The following KIDINS220 variants were observed in gnomAD, a reference collection of about 807,000 sequenced individuals.
KIDINS220 encodes kinase D interacting substrate 220.
KIDINS220 carries 63 observed loss-of-function variants against 157.6 expected under a neutral mutation model. That is an observed-to-expected ratio of 0.40 (90% CI 0.33 to 0.49). The LOEUF is 0.49. KIDINS220 is among the 20% of genes least tolerant of loss of function. KIDINS220 has a pLI of 0.66. For missense variants in KIDINS220, 1,772 were observed against 2,171.2 expected (o/e 0.82, Z 3.65); for synonymous variants, 732 against 783.6 (o/e 0.93, Z 1.10).
rs1663963804 is a variant in KIDINS220, at chr2:8,730,909, A to G, written c.5127T>C (p.Ser1709=). The G allele has an allele frequency of 1.2e-6, 2 of 1,614,220 alleles. No individual in the cohort carries two copies. Among genetic ancestry groups the G allele is most frequent in the Admixed American group, 3.3e-5 (2 of 60,030 alleles). Reference sequence around the variant, plus strand: ...TGGAACTAGGCCTCAAAATGACTTGAGAAGTCTCCCTAATTCCCTCCATCT... The same window carrying G: ...TGGAACTAGGCCTCAAAATGACTTGGGAAGTCTCCCTAATTCCCTCCATCT... The part of the protein sequence containing the change: ...FDEMEGIRET[S]QVILRPSSSP... Residue 1709 remains serine (S), a synonymous_variant, in exon 30 of 30, where the codon TCT becomes TCC. Transcript: ENST00000256707.
At chr2:8,818,894 C>A in intron 2 of KIDINS220, 101 bp from the exon 3 acceptor site, 1 of 579,802 alleles carries the variant, frequency 1.7e-6, no homozygotes, top group Non-Finnish European at 3.1e-6. Context: ...GTATGTTAAG[C>A]ATTGTTTAGT....
intron 12 of KIDINS220, among the ~76,000 whole-genome samples, chr2:8,793,381 A>C (rs1673463339): frequency 6.6e-6 from 1 of 152,110 alleles, no homozygotes; most frequent in African/African-American, 2.4e-5. Flanking sequence ...CTGTAGTTCC[A>C]AGTACTCAGG....
chr2:8,790,400 T>C (rs114135956), intron 13 of KIDINS220, among the ~76,000 whole-genome samples: 3,297 of 152,350 alleles, frequency 0.022, 52 homozygotes, highest in Non-Finnish European at 0.037. Context: ...TGCATATGCA[T>C]ATTGTTTCCA....
chr2:8,774,310 A>G (rs1325311056), intron 21 of KIDINS220, among the ~76,000 whole-genome samples: 1 of 151,800 alleles, frequency 6.6e-6, no homozygotes, highest in Non-Finnish European at 1.5e-5. Flanking sequence ...AAAAAAAAAA[A>G]AAGAAGGAAA....
chr2:8,770,670 C>A lies in KIDINS220; in HGVS notation c.3011G>T (p.Arg1004Ile). 6.4e-7 allele frequency: 1 copy of A among 1,570,926 alleles called. No individual in the cohort carries two copies. The highest frequency in any genetic ancestry group is 8.6e-7 in the Non-Finnish European group (1 of 1,157,544). The change falls in exon 22 of 30, where the codon AGA becomes ATA. Residue 1004 changes from arginine to isoleucine, a missense_variant and splice_region_variant. Transcript: ENST00000256707. Reference protein sequence around the residue: ...DQMTLKTIYERISKNIPTTKD... With the variant: ...DQMTLKTIYEIISKNIPTTKD... ...AATACAAAGAGGTCACAAAAGGTAC[C>A]TTTCGTAGATGGTTTTTAATGTCAT...
At chr2:8,721,716 G>A (rs1298177960), downstream of KIDINS220, 1 of 152,194 alleles carries the variant, frequency 6.6e-6, no homozygotes, top group Non-Finnish European at 1.5e-5. Flanking sequence ...GTCAAGAGTG[G>A]GCGGCACCTG....
chr2:8,782,838 G>T (rs1219573631), intron 17 of KIDINS220, among the ~76,000 whole-genome samples: 1 of 152,184 alleles, frequency 6.6e-6, no homozygotes, highest in Non-Finnish European at 1.5e-5. Flanking sequence ...AATCAAGTGA[G>T]ATTTATGCCA....
At position 8,784,197 on chromosome 2, in the gene KIDINS220, A is replaced by G. The variant is rs1047593504; in HGVS notation, c.2229+1544T>C. ...GCTGGAACAACTGGAAACAAAAAAA[A>G]AAAAAGAAAAGAAGCAAGGAAGCAA... On this transcript the variant is annotated intron_variant, in intron 17 of 29. Coordinates refer to ENST00000256707, the MANE Select transcript of KIDINS220 (RefSeq NM_020738.4). 4.5e-4 allele frequency among the ~76,000 whole-genome samples: 68 copies of G among 152,194 alleles called. 1 individual carries two copies. The highest frequency in any genetic ancestry group is 1.0e-3 in the African/African-American group (43 of 41,572).
At chr2:8,777,214 C>T (rs1349031915) in intron 20 of KIDINS220, among the ~76,000 whole-genome samples, 1 of 152,174 alleles carries the variant, frequency 6.6e-6, no homozygotes, top group Non-Finnish European at 1.5e-5. Flanking sequence ...ATTCAAACTC[C>T]ATGGGGTCTG....
chr2:8,794,557 G>A (rs1217542800), intron 11 of KIDINS220, among the ~76,000 whole-genome samples: 1 of 151,818 alleles, frequency 6.6e-6, no homozygotes, highest in African/African-American at 2.4e-5. Context: ...ATCCTCCTCC[G>A]ACTCTCTCCT....
At position 8,803,026 on chromosome 2, in the gene KIDINS220, A is replaced by G. The variant is rs368353935; in HGVS notation, c.705T>C (p.Asp235=). The change falls in exon 8 of 30, where the codon GAT becomes GAC. Residue 235 remains aspartate (D), a synonymous_variant. Transcript: ENST00000256707. ...ATGCAATCATCAAAGCTGTATTTCC[A>G]TCTTTATCTGTTAAGTTTACATTTG... ...RNPNVNLTDK[D]GNTALMIASK... 1.9e-6 allele frequency: 3 copies of G among 1,613,550 alleles called. No homozygotes were observed. The highest frequency in any genetic ancestry group is 2.7e-5 in the African/African-American group (2 of 74,898).
At chr2:8,753,735 T>C (rs1346242119) in intron 22 of KIDINS220, among the ~76,000 whole-genome samples, 2 of 152,216 alleles carry the variant, frequency 1.3e-5, no homozygotes, top group African/African-American at 2.4e-5. Flanking sequence ...TATCATTTCT[T>C]TGGGACTAGC....
chr2:8,722,402 G>C (rs1663009935), downstream of KIDINS220: 1 of 152,200 alleles, frequency 6.6e-6, no homozygotes, highest in African/African-American at 2.4e-5. Context: ...GTGTTTCTGG[G>C]ACATGAGCGC....
chr2:8,750,305 A>G lies in KIDINS220; in HGVS notation c.3221T>C (p.Ile1074Thr). ...DVRAAREQIS[I>T]GGLAYPPLPL... ...GAGCGGGGGGTACGCCAGTCCTCCA[A>G]TACTGATCTGCTCTCTGGCAGCACG... Residue 1074 changes from isoleucine (I) to threonine (T), a missense_variant, in exon 24 of 30, where the codon ATT becomes ACT. By Grantham distance (89) the Ile-to-Thr change is moderately conservative (BLOSUM62 -1). Coordinates refer to ENST00000256707, the MANE Select transcript of KIDINS220 (RefSeq NM_020738.4). The G allele has an allele frequency of 1.9e-6, 3 of 1,606,232 alleles. No individual in the cohort carries two copies. In the East Asian group the frequency reaches 6.7e-5, roughly 36 times the overall value.
At chr2:8,773,377 T>A (rs563389602) in intron 21 of KIDINS220, among the ~76,000 whole-genome samples, 1 of 152,326 alleles carries the variant, frequency 6.6e-6, no homozygotes, top group Admixed American at 6.5e-5. Flanking sequence ...TTTGGTCCTC[T>A]TTAGAGTGTC....
chr2:8,786,951 A>G (rs1672483573), intron 15 of KIDINS220, among the ~76,000 whole-genome samples: 1 of 152,088 alleles, frequency 6.6e-6, no homozygotes. Flanking sequence ...TTGTATTCAG[A>G]GTCTCTGAAT....
At chr2:8,832,419 C>G (rs574299176) in intron 1 of KIDINS220, among the ~76,000 whole-genome samples, 2 of 152,156 alleles carry the variant, frequency 1.3e-5, no homozygotes, top group Non-Finnish European at 2.9e-5. Context: ...TTGATACACA[C>G]AATAGTAAAA....
At position 8,813,229 on chromosome 2, in the gene KIDINS220, A is replaced by T; in HGVS notation, c.405+8T>A. 6.2e-7 allele frequency: 1 copy of T among 1,601,532 alleles called. No individual in the cohort carries two copies. The highest frequency in any genetic ancestry group is 1.3e-5 in the African/African-American group (1 of 74,320). ...ATAATACAAACAAATTTTTTTGTTAATGCTTACCAGACCAGTGACACTTGG... is the reference window on the plus strand; with the variant it reads ...ATAATACAAACAAATTTTTTTGTTATTGCTTACCAGACCAGTGACACTTGG... On this transcript the variant is annotated splice_region_variant and intron_variant, in intron 5 of 29. Transcript: ENST00000256707.
At chr2:8,745,888 C>G (rs1409278492) in intron 26 of KIDINS220, among the ~76,000 whole-genome samples, 2 of 152,184 alleles carry the variant, frequency 1.3e-5, no homozygotes, top group Non-Finnish European at 2.9e-5. Flanking sequence ...TTAATTCTAA[C>G]TGCTATGCCA....
Sources: gnomAD v4.1 joint callset for allele counts (sites outside exome capture counted in the v4.1 genomes callset) on GRCh38, gnomAD v4.1.1 for gene constraint, MANE v1.5 for transcripts, NCBI Gene and HGNC (gene_info 2026-07-23, HGNC 2026-07-21) for gene names.